Variants in EML2 observed in about 807,000 individuals in gnomAD.
EML2 encodes the protein echinoderm microtubule-associated protein-like 2.
EML2 carries 59 observed loss-of-function variants against 84.7 expected under a neutral mutation model. The ratio of observed to expected loss-of-function variants is 0.70; its 90% CI spans 0.56 to 0.86. The LOEUF is 0.86. Among genes scored for constraint, EML2 ranks in the 40% least tolerant of loss-of-function variants. EML2 has a pLI of 0.00. For synonymous variants in EML2, 352 were observed against 348.9 expected, an observed-to-expected ratio of 1.01 and a Z score of -0.10; for missense variants, 818 against 855.6, an observed-to-expected ratio of 0.96 and a Z score of 0.55.
chr19:45,614,173 A>C (rs902539103), intron 17 of EML2, among the ~76,000 whole-genome samples: 3 of 151,806 alleles, frequency 2.0e-5, no homozygotes, highest in Non-Finnish European at 4.4e-5. Context: ...CAGATGCCCC[A>C]CCCTGGGTTT....
upstream of EML2, chr19:45,645,365 CCCCCGGTCCCAGCCCGG>C: frequency 6.5e-7 from 1 of 1,527,222 alleles, no homozygotes; most frequent in Non-Finnish European, 8.7e-7. Context: ...ACCGCCGGCC[CCCCCGGTCCCAGCCCGG>C]GCCCGGTCCC....
At chr19:45,626,380 CTTTTTTTTTTTTT>C (rs35850853) in intron 8 of EML2, among the ~76,000 whole-genome samples, 2 of 79,434 alleles carry the variant, frequency 2.5e-5, no homozygotes, top group Non-Finnish European at 4.5e-5. Context: ...ATCCTCACAA[CTTTTTTTTTTTTT>C]TTTTTTTTTT....
At chr19:45,637,380 G>C (rs1249138127) in intron 3 of EML2, among the ~76,000 whole-genome samples, 4 of 152,012 alleles carry the variant, frequency 2.6e-5, no homozygotes, top group Non-Finnish European at 4.4e-5. Flanking sequence ...AGAGCTCTTG[G>C]AGGCCACTAG....
chr19:45,634,897 C>G (rs889623488), intron 3 of EML2, among the ~76,000 whole-genome samples: 1 of 151,952 alleles, frequency 6.6e-6, no homozygotes, highest in African/African-American at 2.4e-5. Context: ...TGTCTCCAGG[C>G]AGCAGTGCAG....
upstream of EML2, chr19:45,641,732 A>G: frequency 6.5e-7 from 1 of 1,536,008 alleles, no homozygotes; most frequent in Non-Finnish European, 8.7e-7. Flanking sequence ...TCTGGTGACA[A>G]GTAGCGGCGG....
At chr19:45,621,176 G>T (rs1297771103) in intron 11 of EML2, 31 bp downstream of exon 11, 2 of 1,609,890 alleles carry the variant, frequency 1.2e-6, no homozygotes, top group Admixed American at 1.7e-5. Context: ...GAGCTGGGAA[G>T]AGGGGAGGGG....
At chr19:45,628,573 A>T (rs1041370287) in intron 7 of EML2, 7 of 152,122 alleles carry the variant, frequency 4.6e-5, no homozygotes, top group Admixed American at 4.6e-4. Flanking sequence ...TTGTGATCCC[A>T]GCACTTTGGG....
In EML2 at chr19:45,621,504, G is replaced by A; in HGVS notation, c.975C>T (p.Tyr325=). 6.2e-7 allele frequency: 1 copy of A among 1,611,608 alleles called. No homozygotes were observed. Among genetic ancestry groups the A allele is most frequent in the Non-Finnish European group, 8.5e-7 (1 of 1,179,838 alleles). The part of the protein sequence containing the change: ...DRRVVLWGSD[Y]SKLQEVEVPE... ...TCACCTCCACTTCCTGCAGCTTGCT[G>A]TAGTCAGAACCCCAGAGGACCACCC... Residue 325 remains tyrosine (Y), a synonymous_variant, in exon 10 of 19, where the codon TAC becomes TAT. Transcript: ENST00000245925.
At chr19:45,630,617 C>A (rs1285745392) in intron 6 of EML2, among the ~76,000 whole-genome samples, 3 of 151,426 alleles carry the variant, frequency 2.0e-5, no homozygotes, top group Non-Finnish European at 2.9e-5. Flanking sequence ...TAAAATACAC[C>A]CTCCATTAGA....
At chr19:45,611,719 C>T (rs941402789) in intron 18 of EML2, among the ~76,000 whole-genome samples, 3 of 152,084 alleles carry the variant, frequency 2.0e-5, no homozygotes, top group African/African-American at 4.8e-5. Flanking sequence ...AACTGTTGAC[C>T]TCAGGTGATC....
intron 3 of EML2, 114 bp downstream of exon 3, chr19:45,638,391 G>T: frequency 2.0e-6 from 3 of 1,470,650 alleles, no homozygotes; most frequent in Non-Finnish European, 2.8e-6. Flanking sequence ...TCAAACTCTT[G>T]GCCTCAAACG....
intron 7 of EML2, among the ~76,000 whole-genome samples, chr19:45,628,513 G>A (rs897868345): frequency 2.0e-5 from 3 of 152,046 alleles, no homozygotes; most frequent in Admixed American, 2.0e-4. Flanking sequence ...TCCCCAAACA[G>A]TGGGCCTTGA....
intron 16 of EML2, among the ~76,000 whole-genome samples, chr19:45,615,519 AAATAATAATAAT>A (rs56322389): frequency 7.0e-4 from 97 of 139,184 alleles, no homozygotes; most frequent in East Asian, 2.5e-3. Flanking sequence ...CTCCGTCTCA[AAATAATAATAAT>A]AATAATAATA....
At chr19:45,627,554 C>CT (rs1972517715) in intron 7 of EML2, among the ~76,000 whole-genome samples, 2 of 152,282 alleles carry the variant, frequency 1.3e-5, no homozygotes, top group Non-Finnish European at 2.9e-5. Flanking sequence ...CACGCCTGGC[C>CT]AGTACCTTTC....
intron 8 of EML2, among the ~76,000 whole-genome samples, chr19:45,625,177 TG>T (rs1972158417): frequency 6.6e-6 from 1 of 151,000 alleles, no homozygotes; most frequent in Admixed American, 6.6e-5. Context: ...ACGATTCTCC[TG>T]CCTCAGCCTC....
rs770809096 is a variant in EML2, at chr19:45,626,798, C to T, written c.648G>A (p.Thr216=). 1.5e-5 allele frequency: 24 copies of T among 1,613,448 alleles called. No individual in the cohort carries two copies. The highest frequency in any genetic ancestry group is 2.2e-5 in the East Asian group (1 of 44,864). ...CGCAGGTGATAAGCACAGTGGGGTCCGTGGGGTGGAAGGTGGCCACCAATA... is the reference window on the plus strand; with the variant it reads ...CGCAGGTGATAAGCACAGTGGGGTCTGTGGGGTGGAAGGTGGCCACCAATA... The part of the protein sequence containing the change: ...EAVLVATFHP[T]DPTVLITCGK... Residue 216 remains threonine (T), a synonymous_variant, in exon 8 of 19, where the codon ACG becomes ACA. Transcript: ENST00000245925.
In EML2 at chr19:45,621,609, C is replaced by A; in HGVS notation, c.870G>T (p.Leu290=). The A allele has an allele frequency of 6.2e-7, 1 of 1,609,642 alleles. No individual in the cohort carries two copies. Residue 290 remains leucine, a synonymous_variant, in exon 10 of 19, where the codon CTG becomes CTT. Coordinates refer to ENST00000245925, the MANE Select transcript of EML2 (RefSeq NM_012155.4). ...KGGNRITQAV[L]GAHDGGVFGL... is the part of the protein sequence containing the mutation. ...CAAACACGCCGCCGTCGTGGGCGCC[C>A]AGCACCGCCTGTGTGATACGGTTCC...
chr19:45,632,087 G>A (rs977505447), intron 6 of EML2, among the ~76,000 whole-genome samples: 1 of 150,522 alleles, frequency 6.6e-6, no homozygotes, highest in African/African-American at 2.4e-5. Context: ...TAGAGACGGG[G>A]TTTCACCATG....
intron 6 of EML2, among the ~76,000 whole-genome samples, chr19:45,630,458 C>T (rs1354853861): frequency 6.8e-6 from 1 of 148,114 alleles, no homozygotes; most frequent in East Asian, 2.0e-4. Context: ...GAGGCTGAGG[C>T]AGGAGAATCG....
Sources: gnomAD v4.1 joint callset for allele counts (sites outside exome capture counted in the v4.1 genomes callset) on GRCh38, gnomAD v4.1.1 for gene constraint, MANE v1.5 for transcripts, NCBI Gene and HGNC (gene_info 2026-07-23, HGNC 2026-07-21) for gene names.